Variants in ZBBX observed in about 807,000 individuals in gnomAD.
ZBBX encodes the protein zinc finger B-box domain-containing protein 1.
In ZBBX, 101 loss-of-function variants were observed where a neutral mutation model predicts 108.5. The ratio of observed to expected loss-of-function variants is 0.93; its 90% CI spans 0.79 to 1.10. ZBBX has a LOEUF of 1.10. Ranked by LOEUF, ZBBX falls within the 50% of genes least tolerant of loss-of-function variation. The probability of loss-of-function intolerance (pLI) is 0.00; values close to 1 mark genes in which losing one functional copy is unlikely to be tolerated. For synonymous variants in ZBBX, 356 were observed against 323.4 expected, an observed-to-expected ratio of 1.10 and a Z score of -1.08; for missense variants, 1,009 against 941.4, an observed-to-expected ratio of 1.07 and a Z score of -0.94.
intron 16 of ZBBX, 148 bp from the exon 17 acceptor site, chr3:167,306,098 A>G: frequency 1.7e-6 from 1 of 588,226 alleles, no homozygotes; most frequent in East Asian, 3.1e-5. Flanking sequence ...GTGTTAAAAT[A>G]TTTTTACTAT....
chr3:167,309,287 G>A (rs901282959), intron 16 of ZBBX, among the ~76,000 whole-genome samples: 2 of 152,158 alleles, frequency 1.3e-5, no homozygotes, highest in Non-Finnish European at 2.9e-5. Context: ...GCTGTCAGTG[G>A]ATCTACCATT....
intron 16 of ZBBX, among the ~76,000 whole-genome samples, chr3:167,308,225 C>A (rs1323266135): frequency 6.6e-6 from 1 of 152,134 alleles, no homozygotes; most frequent in East Asian, 1.9e-4. Flanking sequence ...CATCACTCAT[C>A]ATTACAGAAA....
intron 20 of ZBBX, among the ~76,000 whole-genome samples, chr3:167,267,692 C>A (rs756505716): frequency 5.3e-5 from 8 of 152,160 alleles, no homozygotes; most frequent in Non-Finnish European, 1.0e-4. Context: ...GATAAAAGTT[C>A]AGTGTTCTCA....
chr3:167,363,522 AAT>A (rs1231832032), intron 6 of ZBBX, among the ~76,000 whole-genome samples: 1 of 152,046 alleles, frequency 6.6e-6, no homozygotes, highest in Non-Finnish European at 1.5e-5. Context: ...ACACACAAAA[AAT>A]ATGTCTTCCT....
chr3:167,303,489 A>G (rs1339821567), intron 17 of ZBBX, among the ~76,000 whole-genome samples: 1 of 152,010 alleles, frequency 6.6e-6, no homozygotes, highest in Admixed American at 6.6e-5. Flanking sequence ...CCCTCACACC[A>G]TTATTTCTTG....
At position 167,358,797 on chromosome 3, in the gene ZBBX, G is replaced by A. The variant is rs192321998; in HGVS notation, c.432+1073C>T. On this transcript the variant is annotated intron_variant, in intron 8 of 21. Coordinates refer to ENST00000675490, the MANE Select transcript of ZBBX (RefSeq NM_001199201.2). ...TAAAAATACAAAAAATTAGCTGGGC[G>A]TGGTGACGCGTGCCTATAATCCCAG... Among the ~76,000 whole-genome samples, 150 of 151,882 alleles carry A rather than the reference G, an allele frequency of 9.9e-4. 1 individual carries two copies. Among genetic ancestry groups the A allele is most frequent in the African/African-American group, 3.5e-3 (146 of 41,424 alleles).
upstream of ZBBX, among the ~76,000 whole-genome samples, chr3:167,384,947 T>C (rs1030168825): frequency 1.3e-5 from 2 of 152,058 alleles, no homozygotes; most frequent in Non-Finnish European, 2.9e-5. Context: ...CTTTTTAAAT[T>C]GTTGGTGTAT....
At chr3:167,271,877 G>A (rs1199009330) in intron 20 of ZBBX, among the ~76,000 whole-genome samples, 5 of 152,046 alleles carry the variant, frequency 3.3e-5, no homozygotes, top group African/African-American at 9.7e-5. Context: ...CAAATGCAAC[G>A]GCCAATAATG....
intron 15 of ZBBX, among the ~76,000 whole-genome samples, chr3:167,315,514 A>C (rs1735291654): frequency 6.6e-6 from 1 of 152,194 alleles, no homozygotes; most frequent in African/African-American, 2.4e-5. Context: ...TAAATAATCC[A>C]AATATTAGGT....
At chr3:167,178,886 C>T in the ZBBX span, among the ~76,000 whole-genome samples, 16 of 152,216 alleles carry the variant, frequency 1.1e-4, no homozygotes, top group East Asian at 1.9e-3. Context: ...CCTGTCTCCC[C>T]GCTTTTGCTT....
At chr3:167,180,981 T>C in the ZBBX span, among the ~76,000 whole-genome samples, 3 of 152,240 alleles carry the variant, frequency 2.0e-5, no homozygotes, top group Non-Finnish European at 2.9e-5. Context: ...GTTGGAACTA[T>C]GTGTCCTTTT....
chr3:167,272,448 A>G (rs1021778850), intron 20 of ZBBX, among the ~76,000 whole-genome samples: 9 of 152,142 alleles, frequency 5.9e-5, no homozygotes, highest in African/African-American at 2.2e-4. Context: ...GACCCTATCT[A>G]GTGCTCCTGA....
rs975289955 is a variant in ZBBX at position 167,279,676 on chromosome 3, G to T, written c.2254+2562C>A. 6.2e-3 allele frequency among the ~76,000 whole-genome samples: 943 copies of T among 151,992 alleles called. 7 individuals are homozygous for T. The highest frequency in any genetic ancestry group is 0.02 in the African/African-American group (841 of 41,414). On this transcript the variant is annotated intron_variant, in intron 20 of 21. Transcript: ENST00000675490. ...TCATGAAAATGGCCATACTGCCCAA[G>T]GTAATTTATAGATTCAATGCCATCC...
intron 20 of ZBBX, among the ~76,000 whole-genome samples, chr3:167,247,136 C>T (rs1472066979): frequency 6.6e-6 from 1 of 152,146 alleles, no homozygotes; most frequent in Non-Finnish European, 1.5e-5. Flanking sequence ...CACCACATCC[C>T]CATCCTGGGC....
chr3:167,403,188 G>A (rs968743528), intron 1 of ZBBX, among the ~76,000 whole-genome samples: 3 of 152,024 alleles, frequency 2.0e-5, no homozygotes, highest in Admixed American at 6.6e-5. Flanking sequence ...AAATTCTAAC[G>A]GGTACCACAG....
chr3:167,215,925 A>C, the ZBBX span, among the ~76,000 whole-genome samples: 3 of 152,226 alleles, frequency 2.0e-5, no homozygotes, highest in Admixed American at 2.0e-4. Context: ...GACAAAATTC[A>C]ACATTGATTC....
upstream of ZBBX, among the ~76,000 whole-genome samples, chr3:167,380,996 T>A (rs1747676501): frequency 6.6e-6 from 1 of 152,024 alleles, no homozygotes; most frequent in Non-Finnish European, 1.5e-5. Flanking sequence ...CTGTTTTTTA[T>A]CTCCCTTTTT....
At chr3:167,320,510 G>A (rs1736262934) in intron 12 of ZBBX, among the ~76,000 whole-genome samples, 1 of 152,112 alleles carries the variant, frequency 6.6e-6, no homozygotes, top group South Asian at 2.1e-4. Context: ...CAATAGAGCA[G>A]GAGAGTACTA....
At chr3:167,253,988 TA>T (rs1254819641) in intron 20 of ZBBX, among the ~76,000 whole-genome samples, 1 of 152,062 alleles carries the variant, frequency 6.6e-6, no homozygotes, top group African/African-American at 2.4e-5. Flanking sequence ...GAAAACTAAT[TA>T]AATGGTCACC....
Sources: allele counts gnomAD v4.1 joint callset (sites outside exome capture counted in the v4.1 genomes callset), GRCh38; gene constraint gnomAD v4.1.1; transcripts MANE v1.5; gene names NCBI Gene and HGNC (gene_info 2026-07-23, HGNC 2026-07-21).